EYS: variants seen among roughly 807,000 people sequenced by gnomAD.
EYS encodes the protein EGF-like photoreceptor maintenance factor, also known as protein eyes shut homolog.
EYS carries 250 observed loss-of-function variants against 282.1 expected under a neutral mutation model. The observed-to-expected ratio is 0.89, with a 90% CI of 0.80 to 0.98. EYS has a LOEUF of 0.98. Ranked by LOEUF, EYS falls within the 50% of genes least tolerant of loss-of-function variation. The pLI, the probability that EYS is intolerant of heterozygous loss-of-function variation, is 0.00. For missense variants in EYS, 4,016 were observed against 3,709.0 expected (o/e 1.08, Z -2.15); for synonymous variants, 1,355 against 1,282.9 (o/e 1.06, Z -1.20).
intron 30 of EYS, among the ~76,000 whole-genome samples, chr6:64,294,300 C>T (rs530320347): frequency 4.6e-5 from 7 of 152,196 alleles, no homozygotes; most frequent in Non-Finnish European, 1.0e-4. Flanking sequence ...AAGCTGACTG[C>T]AAAGAAGAGG....
chr6:65,351,213 A>G (rs1001208469), intron 9 of EYS, among the ~76,000 whole-genome samples: 3 of 151,792 alleles, frequency 2.0e-5, no homozygotes, highest in African/African-American at 7.2e-5. Context: ...CAGTCTGTGC[A>G]TTATCACACT....
chr6:64,098,713 G>A (rs1772720901), intron 31 of EYS, among the ~76,000 whole-genome samples: 1 of 151,052 alleles, frequency 6.6e-6, no homozygotes, highest in South Asian at 2.1e-4. Context: ...CCATTCTCCT[G>A]CCTCAGCCTC....
At chr6:65,587,341 TA>T (rs1765086150) in intron 2 of EYS, among the ~76,000 whole-genome samples, 1 of 152,062 alleles carries the variant, frequency 6.6e-6, no homozygotes, top group African/African-American at 2.4e-5. Context: ...GTAGTTCCCA[TA>T]ATCCCCAGGT....
chr6:64,795,353 G>A (rs377693027), intron 22 of EYS, among the ~76,000 whole-genome samples: 2,749 of 151,676 alleles, frequency 0.018, 64 homozygotes, highest in African/African-American at 0.063. Context: ...GATGAAGTGG[G>A]TGGTTGGTTG....
chr6:64,267,247 C>T (rs1767791046), intron 30 of EYS, among the ~76,000 whole-genome samples: 1 of 152,052 alleles, frequency 6.6e-6, no homozygotes, highest in Non-Finnish European at 1.5e-5. Context: ...CTGAGAGGCT[C>T]GAATGGGACT....
At chr6:64,486,451 C>T (rs1019389290) in intron 26 of EYS, among the ~76,000 whole-genome samples, 3 of 151,252 alleles carry the variant, frequency 2.0e-5, no homozygotes, top group Non-Finnish European at 4.4e-5. Flanking sequence ...AAAGAGGTAG[C>T]ATTTTGTTAG....
intron 29 of EYS, among the ~76,000 whole-genome samples, chr6:64,376,388 G>A (rs564461668): frequency 6.6e-6 from 1 of 152,266 alleles, no homozygotes; most frequent in African/African-American, 2.4e-5. Flanking sequence ...CAACCCTGAG[G>A]ATAAATACCC....
At chr6:64,129,773 G>A (rs909711586) in intron 31 of EYS, among the ~76,000 whole-genome samples, 62 of 152,208 alleles carry the variant, frequency 4.1e-4, no homozygotes, top group African/African-American at 1.4e-3. Flanking sequence ...GGTCTAACAT[G>A]TAAGTCTTTA....
chr6:65,348,329 G>A (rs953480198), intron 9 of EYS, among the ~76,000 whole-genome samples: 1 of 151,672 alleles, frequency 6.6e-6, no homozygotes, highest in East Asian at 1.9e-4. Context: ...CACAGTGATT[G>A]TACTAATTTA....
At chr6:64,726,820 T>A (rs1359206865) in intron 22 of EYS, among the ~76,000 whole-genome samples, 2 of 152,138 alleles carry the variant, frequency 1.3e-5, no homozygotes, top group Admixed American at 1.3e-4. Flanking sequence ...ACAAAATCTA[T>A]AAGACAGGGC....
chr6:64,876,209 T>G (rs1583248762), intron 19 of EYS, among the ~76,000 whole-genome samples: 2 of 152,222 alleles, frequency 1.3e-5, no homozygotes, highest in East Asian at 3.9e-4. Flanking sequence ...TAATTTAGAA[T>G]GAACCTGATT....
At chr6:65,190,451 T>A (rs1765615105) in intron 12 of EYS, among the ~76,000 whole-genome samples, 1 of 151,368 alleles carries the variant, frequency 6.6e-6, no homozygotes, top group Non-Finnish European at 1.5e-5. Context: ...TTTGAAAATA[T>A]AATGGGCCTA....
Position 64,274,461 on chromosome 6 carries a change from G to A in EYS, c.6191+32509C>T, listed in dbSNP as rs568795476. On this transcript the variant is annotated intron_variant, in intron 30 of 42. Coordinates refer to ENST00000503581, the MANE Select transcript of EYS (RefSeq NM_001142800.2). ...CTCCCACAGTGCTGGGATTACAGGC[G>A]CGAGCCACCACGCCTGGCCGTTTTT... 1.1e-4 allele frequency among the ~76,000 whole-genome samples: 15 copies of A among 142,042 alleles called. No individual in the cohort carries two copies. The East Asian group carries it at 2.6e-3, about 25-fold the overall frequency. The allele number at this position is 142,042 out of a possible 152,430, so 93.2% of individuals were successfully genotyped here.
At position 65,282,582 on chromosome 6, in the gene EYS, AC is replaced by A. The variant is rs552451598; in HGVS notation, c.2023+13280del. Among the ~76,000 whole-genome samples the A allele has an allele frequency of 3.3e-5, 5 of 152,120 alleles. No individual in the cohort carries two copies. In the South Asian group the frequency reaches 1.0e-3, roughly 32 times the overall value. ...TTACTACATGATTATAGAACAGAAA[AC>A]TTTAACTTGGAAAATATAGCCAATT... is the stretch of plus-strand genomic sequence containing the variant. On this transcript the variant is annotated intron_variant, in intron 12 of 42. Transcript: ENST00000503581.
intron 31 of EYS, among the ~76,000 whole-genome samples, chr6:64,104,036 G>A (rs1228312725): frequency 6.6e-6 from 1 of 152,114 alleles, no homozygotes; most frequent in Non-Finnish European, 1.5e-5. Flanking sequence ...GTTGAGCAGT[G>A]GGAGAGTAAT....
At chr6:65,695,714 T>C (rs1219702421) in intron 1 of EYS, among the ~76,000 whole-genome samples, 1 of 152,024 alleles carries the variant, frequency 6.6e-6, no homozygotes, top group African/African-American at 2.4e-5. Context: ...TATAAATACA[T>C]GCACATACAG....
chr6:63,721,032 A>G lies in EYS; in HGVS notation c.8999T>C (p.Ile3000Thr), dbSNP rs778823043. 5.9e-5 allele frequency: 91 copies of G among 1,551,260 alleles called. No individual in the cohort carries two copies. The highest frequency in any genetic ancestry group is 7.2e-5 in the Non-Finnish European group (82 of 1,146,794). ...AAAATCATTTTCTTCATTTTGAGCT[A>G]TTCCCATCCATACAATTAGACCTTC... ...KTEGLIVWMG[I>T]AQNEENDFLA... The change falls in exon 43 of 43, where the codon ATA becomes ACA. Residue 3000 changes from isoleucine (I) to threonine (T), a missense_variant. Ile to Thr is a moderately conservative substitution (Grantham distance 89). Transcript: ENST00000503581.
chr6:64,105,470 G>T (rs1291373197), intron 31 of EYS, among the ~76,000 whole-genome samples: 1 of 152,000 alleles, frequency 6.6e-6, no homozygotes, highest in Non-Finnish European at 1.5e-5. Flanking sequence ...TATAGTTTAC[G>T]TTGGAGTTCA....
intron 22 of EYS, among the ~76,000 whole-genome samples, chr6:64,643,020 C>T (rs1768219116): frequency 6.6e-6 from 1 of 151,564 alleles, no homozygotes; most frequent in African/African-American, 2.4e-5. Context: ...GGGGCTGAGG[C>T]AGGAGAATCA....
Sources: gnomAD v4.1 joint callset for allele counts (sites outside exome capture counted in the v4.1 genomes callset) on GRCh38, gnomAD v4.1.1 for gene constraint, MANE v1.5 for transcripts, NCBI Gene and HGNC (gene_info 2026-07-23, HGNC 2026-07-21) for gene names.